Variants in NEGR1 observed in about 807,000 individuals in gnomAD.
NEGR1 encodes the protein IgLON family member 4.
A neutral mutation model predicts 40.9 loss-of-function variants in NEGR1; 10 were observed. The ratio of observed to expected loss-of-function variants is 0.24; its 90% confidence interval spans 0.15 to 0.42. NEGR1 has a LOEUF of 0.42. NEGR1 is among the 10% of genes least tolerant of loss of function. The pLI, the probability that NEGR1 is intolerant of heterozygous loss-of-function variation, is 1.00. For missense variants in NEGR1, 352 were observed against 438.9 expected, an observed-to-expected ratio of 0.80 and a Z score of 1.77; for synonymous variants, 185 against 166.8, an observed-to-expected ratio of 1.11 and a Z score of -0.84.
chr1:71,823,705 C>T (rs1486333274), intron 2 of NEGR1, among the ~76,000 whole-genome samples: 1 of 151,964 alleles, frequency 6.6e-6, no homozygotes, highest in Non-Finnish European at 1.5e-5. Context: ...GTTTCTTTTT[C>T]CATATTTCCA....
chr1:71,484,048 T>C (rs1216203786), intron 6 of NEGR1, among the ~76,000 whole-genome samples: 1 of 151,722 alleles, frequency 6.6e-6, no homozygotes, highest in Non-Finnish European at 1.5e-5. Flanking sequence ...GTTTTCTAGG[T>C]AAACTCATCA....
chr1:71,932,176 T>C (rs1475497488), intron 2 of NEGR1, among the ~76,000 whole-genome samples: 2 of 152,088 alleles, frequency 1.3e-5, no homozygotes, highest in Admixed American at 6.6e-5. Flanking sequence ...TATGTAAACA[T>C]TAGTTTGCAT....
chr1:71,766,975 A>C (rs2101707049), intron 3 of NEGR1, among the ~76,000 whole-genome samples: 1 of 152,310 alleles, frequency 6.6e-6, no homozygotes, highest in South Asian at 2.1e-4. Context: ...CAGAAGCAGA[A>C]GTTGCTACGC....
intron 1 of NEGR1, among the ~76,000 whole-genome samples, chr1:72,082,912 T>C (rs2100530855): frequency 6.6e-6 from 1 of 152,272 alleles, no homozygotes; most frequent in East Asian, 1.9e-4. Context: ...AAAATTAAAA[T>C]GTATGCCTCA....
At chr1:71,719,426 A>C (rs958527998) in intron 3 of NEGR1, among the ~76,000 whole-genome samples, 1 of 152,138 alleles carries the variant, frequency 6.6e-6, no homozygotes, top group African/African-American at 2.4e-5. Context: ...TCATTAATGC[A>C]TCTGCTTTTT....
intron 1 of NEGR1, among the ~76,000 whole-genome samples, chr1:72,168,098 C>G (rs918835262): frequency 4.6e-5 from 7 of 151,764 alleles, no homozygotes; most frequent in Admixed American, 1.3e-4. Context: ...CTCCACCTCC[C>G]AGGTTCAAGG....
chr1:72,002,778 T>C (rs192708390), intron 1 of NEGR1, among the ~76,000 whole-genome samples: 7 of 152,322 alleles, frequency 4.6e-5, no homozygotes, highest in Admixed American at 4.6e-4. Flanking sequence ...ATGCAATTCA[T>C]TAATTATTCT....
At chr1:71,811,570 T>C (rs1201737737) in intron 2 of NEGR1, among the ~76,000 whole-genome samples, 1 of 151,284 alleles carries the variant, frequency 6.6e-6, no homozygotes, top group East Asian at 1.9e-4. Context: ...CTTACTTATA[T>C]TTAATTTACT....
intron 4 of NEGR1, among the ~76,000 whole-genome samples, chr1:71,650,641 T>A (rs1381469917): frequency 6.6e-6 from 1 of 152,156 alleles, no homozygotes; most frequent in Admixed American, 6.5e-5. Context: ...TTTTTGGTCT[T>A]GACTATTTCA....
At chr1:71,875,146 C>T (rs1434392246) in intron 2 of NEGR1, among the ~76,000 whole-genome samples, 1 of 152,072 alleles carries the variant, frequency 6.6e-6, no homozygotes, top group Non-Finnish European at 1.5e-5. Context: ...TGTGCCTGGC[C>T]AAGTTTTTCG....
At chr1:72,241,249 T>C (rs183807985) in intron 1 of NEGR1, among the ~76,000 whole-genome samples, 34 of 151,906 alleles carry the variant, frequency 2.2e-4, no homozygotes, top group African/African-American at 8.2e-4. Flanking sequence ...AGAACTTCTC[T>C]TATTTGTTTT....
At chr1:71,853,427 A>T (rs143648473) in intron 2 of NEGR1, among the ~76,000 whole-genome samples, 3 of 152,238 alleles carry the variant, frequency 2.0e-5, no homozygotes, top group Admixed American at 6.6e-5. Context: ...TATGTTTAGA[A>T]GTCCATTAAA....
At chr1:72,063,793 T>C (rs1456848200) in intron 1 of NEGR1, among the ~76,000 whole-genome samples, 1 of 151,958 alleles carries the variant, frequency 6.6e-6, no homozygotes, top group East Asian at 1.9e-4. Context: ...TATTAAGCCC[T>C]CAATGCTGTA....
At chr1:72,092,231 G>A (rs531471881) in intron 1 of NEGR1, among the ~76,000 whole-genome samples, 1 of 152,132 alleles carries the variant, frequency 6.6e-6, no homozygotes, top group Non-Finnish European at 1.5e-5. Flanking sequence ...AGACTAGCCT[G>A]AACCATCTTT....
chr1:72,221,352 A>G (rs1291574691), intron 1 of NEGR1, among the ~76,000 whole-genome samples: 1 of 152,060 alleles, frequency 6.6e-6, no homozygotes, highest in East Asian at 1.9e-4. Flanking sequence ...GTGAATGTGA[A>G]TATTGGGGAG....
At chr1:71,950,553 T>C (rs1646060510) in intron 1 of NEGR1, among the ~76,000 whole-genome samples, 1 of 152,030 alleles carries the variant, frequency 6.6e-6, no homozygotes, top group South Asian at 2.1e-4. Context: ...TTCTCTACCT[T>C]AGCCATTAAT....
intron 1 of NEGR1, among the ~76,000 whole-genome samples, chr1:72,234,061 ATAC>A (rs1380352428): frequency 1.3e-5 from 2 of 152,056 alleles, no homozygotes; most frequent in Admixed American, 6.6e-5. Context: ...GGGGTTTGTT[ATAC>A]AAAGTATTCG....
At chr1:71,710,612 T>G (rs1350787259) in intron 3 of NEGR1, among the ~76,000 whole-genome samples, 1 of 152,150 alleles carries the variant, frequency 6.6e-6, no homozygotes, top group African/African-American at 2.4e-5. Flanking sequence ...TTAAGTGAAA[T>G]ATGCCAGGCA....
intron 1 of NEGR1, among the ~76,000 whole-genome samples, chr1:72,063,126 G>A (rs1190335205): frequency 2.0e-5 from 3 of 151,896 alleles, no homozygotes; most frequent in Admixed American, 1.3e-4. Flanking sequence ...TTCTGAAACT[G>A]TAGCAGTAAA....
Sources: gnomAD v4.1 joint callset for allele counts (sites outside exome capture counted in the v4.1 genomes callset) on GRCh38, gnomAD v4.1.1 for gene constraint, MANE v1.5 for transcripts, NCBI Gene and HGNC (gene_info 2026-07-23, HGNC 2026-07-21) for gene names.